The following NF1 variants were observed in gnomAD, a reference collection of about 807,000 sequenced individuals.
NF1 encodes the protein neurofibromin 1.
In NF1, 122 loss-of-function variants were observed where a neutral mutation model predicts 325.7. The ratio of observed to expected loss-of-function variants is 0.37; its 90% CI spans 0.32 to 0.44. The LOEUF is 0.44. Ranked by LOEUF, NF1 falls within the 20% of genes least tolerant of loss-of-function variation. The pLI is 1.00. For synonymous variants in NF1, 1,091 were observed against 1,186.0 expected, an observed-to-expected ratio of 0.92 and a Z score of 1.65; for missense variants, 2,140 against 3,415.4, an observed-to-expected ratio of 0.63 and a Z score of 9.31.
intron 46 of NF1, chr17:31,340,178 G>A (rs563396413): frequency 6.0e-6 from 2 of 336,082 alleles, no homozygotes; most frequent in South Asian, 3.0e-5. Flanking sequence ...TTGGCATGTG[G>A]TAATGTCATT....
rs1555625971 is a variant in NF1, at chr17:31,313,720, A to ATG, written c.4836-12099_4836-12098insGT. 3.8e-3 allele frequency among the ~76,000 whole-genome samples: 380 copies of ATG among 101,196 alleles called. 2 individuals are homozygous for ATG. Among genetic ancestry groups the ATG allele is most frequent in the African/African-American group, 0.013 (355 of 26,668 alleles). The allele number at this position is 101,196 out of a possible 152,430, so 66.4% of individuals were successfully genotyped here. Reference sequence around the variant, plus strand: ...GACTCTATCTCAAAAAAAAAAAAAAATATGTGTGTGTGTGTGTGTGTGTGT... The same window carrying ATG: ...GACTCTATCTCAAAAAAAAAAAAAAATGTATGTGTGTGTGTGTGTGTGTGTGT... On this transcript the variant is annotated intron_variant, in intron 36 of 57. Coordinates refer to ENST00000358273, the MANE Select transcript of NF1 (RefSeq NM_001042492.3).
chr17:31,126,870 T>C (rs1480604554), intron 1 of NF1, among the ~76,000 whole-genome samples: 1 of 152,256 alleles, frequency 6.6e-6, no homozygotes, highest in African/African-American at 2.4e-5. Flanking sequence ...ATTTATGTTT[T>C]AAAATTTTTT....
chr17:31,154,732 C>CTTTTTTTTTTT (rs71142026), intron 1 of NF1, among the ~76,000 whole-genome samples: 11 of 103,394 alleles, frequency 1.1e-4, no homozygotes, highest in Non-Finnish European at 1.5e-4. Context: ...TTAGTATTTC[C>CTTTTTTTTTTT]TTTTTTTTTT....
intron 1 of NF1, among the ~76,000 whole-genome samples, chr17:31,095,860 A>G (rs558309798): frequency 2.4e-4 from 37 of 151,976 alleles, no homozygotes; most frequent in African/African-American, 8.7e-4. Context: ...GAACGATAAC[A>G]TTCCGCCCCT....
chr17:31,358,663 C>G (rs2070330847), intron 55 of NF1, 41 bp downstream of exon 55: 1 of 1,610,112 alleles, frequency 6.2e-7, no homozygotes, highest in African/African-American at 1.3e-5. Context: ...GATGAACTTG[C>G]TAACATGCGC....
intron 1 of NF1, among the ~76,000 whole-genome samples, chr17:31,098,933 G>GAA (rs556393516): frequency 0.013 from 1,329 of 100,246 alleles, 37 homozygotes; most frequent in African/African-American, 0.051. Context: ...CTCCATCTCA[G>GAA]AAAAAAAAAA....
At chr17:31,177,830 A>G (rs1473998791) in intron 5 of NF1, among the ~76,000 whole-genome samples, 1 of 152,060 alleles carries the variant, frequency 6.6e-6, no homozygotes, top group Non-Finnish European at 1.5e-5. Context: ...AAAAAGAGTG[A>G]AAAGAAATGA....
intron 1 of NF1, among the ~76,000 whole-genome samples, chr17:31,102,752 G>A (rs1912463827): frequency 6.6e-6 from 1 of 151,398 alleles, no homozygotes; most frequent in Non-Finnish European, 1.5e-5. Context: ...AAAAAAAAGA[G>A]AGCGTGACTA....
At chr17:31,196,736 AT>A (rs937321378) in intron 8 of NF1, among the ~76,000 whole-genome samples, 1 of 152,182 alleles carries the variant, frequency 6.6e-6, no homozygotes, top group African/African-American at 2.4e-5. Flanking sequence ...AAAAGGGTCC[AT>A]CTTCATTCTT....
chr17:31,160,190 A>G (rs912090274), intron 3 of NF1, among the ~76,000 whole-genome samples: 7 of 152,170 alleles, frequency 4.6e-5, no homozygotes, highest in Non-Finnish European at 8.8e-5. Context: ...GGTTCAAGCT[A>G]TTCTCATGCC....
At chr17:31,320,629 G>A (rs990842690) in intron 36 of NF1, 11 of 457,540 alleles carry the variant, frequency 2.4e-5, no homozygotes, top group African/African-American at 2.0e-4. Flanking sequence ...ATAGTAGGGA[G>A]GAAAAACTAT....
rs1180558223 is a variant in NF1, at chr17:31,156,138, G to A, written c.204+12G>A. On this transcript the variant is annotated intron_variant, in intron 2 of 57. Coordinates refer to ENST00000358273, the MANE Select transcript of NF1 (RefSeq NM_001042492.3). Reference sequence around the variant, plus strand: ...ATGTTAACAATATGGTGAGTATTTGGGTTACTGTGTTTTGGGGAATTTGCT... The same window carrying A: ...ATGTTAACAATATGGTGAGTATTTGAGTTACTGTGTTTTGGGGAATTTGCT... 1 of 1,613,042 alleles carries A rather than the reference G, an allele frequency of 6.2e-7. No individual in the cohort carries two copies. Among genetic ancestry groups the A allele is most frequent in the Non-Finnish European group, 8.5e-7 (1 of 1,179,618 alleles).
chr17:31,264,502 A>T (rs1488282948), intron 35 of NF1, among the ~76,000 whole-genome samples: 1 of 152,170 alleles, frequency 6.6e-6, no homozygotes, highest in Non-Finnish European at 1.5e-5. Context: ...AATGGAAAAT[A>T]TGAAAGAGGT....
At chr17:31,197,210 A>C (rs897666953) in intron 8 of NF1, among the ~76,000 whole-genome samples, 3 of 151,612 alleles carry the variant, frequency 2.0e-5, no homozygotes, top group African/African-American at 7.3e-5. Context: ...ATGCCCAGCT[A>C]ATTTTTTTTG....
At chr17:31,227,487 T>C (rs1567848072) in intron 19 of NF1, 36 bp from the exon 20 acceptor site, 1 of 1,605,188 alleles carries the variant, frequency 6.2e-7, no homozygotes, top group Non-Finnish European at 8.5e-7. Context: ...AGCTCTAGAC[T>C]AAGTTGCTTT....
At chr17:31,114,832 C>T (rs183947792) in intron 1 of NF1, among the ~76,000 whole-genome samples, 49 of 151,972 alleles carry the variant, frequency 3.2e-4, no homozygotes, top group Admixed American at 4.6e-4. Context: ...CCAGCCTGGG[C>T]GACAGAGCAA....
At chr17:31,219,174 C>A in intron 14 of NF1, 56 bp downstream of exon 14, 2 of 1,548,730 alleles carry the variant, frequency 1.3e-6, no homozygotes, top group Non-Finnish European at 1.8e-6. Flanking sequence ...TATGTACATT[C>A]ATGATGTTCC....
chr17:31,115,855 A>G (rs1913857916), intron 1 of NF1, among the ~76,000 whole-genome samples: 1 of 152,174 alleles, frequency 6.6e-6, no homozygotes, highest in Non-Finnish European at 1.5e-5. Context: ...AGTGAGGACA[A>G]ATTCTTGTCC....
At chr17:31,097,444 C>G (rs181824579) in intron 1 of NF1, among the ~76,000 whole-genome samples, 3 of 123,760 alleles carry the variant, frequency 2.4e-5, no homozygotes, top group African/African-American at 9.1e-5. Flanking sequence ...GGCGACAGAG[C>G]GAGACTCTTG....
Sources: gnomAD v4.1 joint callset for allele counts (sites outside exome capture counted in the v4.1 genomes callset) on GRCh38, gnomAD v4.1.1 for gene constraint, MANE v1.5 for transcripts, NCBI Gene and HGNC (gene_info 2026-07-23, HGNC 2026-07-21) for gene names.